LINGO2: variants seen among roughly 807,000 people sequenced by gnomAD.
LINGO2 encodes the protein leucine rich repeat and Ig domain containing 2.
LINGO2 carries 14 observed loss-of-function variants against 30.6 expected under a neutral mutation model. The observed-to-expected ratio is 0.46, with a 90% CI of 0.30 to 0.72. The LOEUF is 0.72. Among genes scored for constraint, LINGO2 ranks in the 30% least tolerant of loss-of-function variants. LINGO2 has a pLI of 0.07. For synonymous variants in LINGO2, 317 were observed against 288.5 expected (o/e 1.10, Z -1.00); for missense variants, 729 against 751.7 (o/e 0.97, Z 0.35).
At chr9:27,991,624 C>T (rs1821403187) in intron 5 of LINGO2, among the ~76,000 whole-genome samples, 1 of 152,034 alleles carries the variant, frequency 6.6e-6, no homozygotes, top group African/African-American at 2.4e-5. Flanking sequence ...CAACTTCAAA[C>T]ACATAGGAAC....
chr9:28,998,638 A>T, the LINGO2 span, among the ~76,000 whole-genome samples: 15 of 152,126 alleles, frequency 9.9e-5, no homozygotes, highest in Admixed American at 2.6e-4. Context: ...CTAGATAGGA[A>T]AGTGTACTTT....
chr9:28,430,207 T>A (rs1243946244), intron 2 of LINGO2, among the ~76,000 whole-genome samples: 1 of 152,146 alleles, frequency 6.6e-6, no homozygotes, highest in Non-Finnish European at 1.5e-5. Flanking sequence ...GAGCATAGTG[T>A]AGAAGAAGAT....
chr9:28,165,743 CCTTCTCAATTTA>C (rs1828410183), intron 4 of LINGO2, among the ~76,000 whole-genome samples: 1 of 152,110 alleles, frequency 6.6e-6, no homozygotes, highest in Non-Finnish European at 1.5e-5. Context: ...AGTTAGTTTC[CCTTCTCAATTTA>C]CCAAATCTTA....
chr9:28,235,926 A>G (rs1010608528), intron 4 of LINGO2, among the ~76,000 whole-genome samples: 1 of 152,168 alleles, frequency 6.6e-6, no homozygotes, highest in East Asian at 1.9e-4. Context: ...AAGAGATAAT[A>G]TCAGAGGACT....
chr9:28,332,042 C>G (rs1382435623), intron 3 of LINGO2, among the ~76,000 whole-genome samples: 3 of 152,016 alleles, frequency 2.0e-5, no homozygotes. Context: ...ACCTAAATGC[C>G]AAATAAACTT....
the LINGO2 span, among the ~76,000 whole-genome samples, chr9:28,681,471 T>C: frequency 6.6e-6 from 1 of 152,026 alleles, no homozygotes; most frequent in Admixed American, 6.6e-5. Flanking sequence ...ACTGTGGCTT[T>C]AGATCTTTTA....
At chr9:28,136,840 G>C (rs557361095) in intron 4 of LINGO2, among the ~76,000 whole-genome samples, 2 of 152,218 alleles carry the variant, frequency 1.3e-5, no homozygotes, top group African/African-American at 4.8e-5. Context: ...ATTTGAACTG[G>C]TAAAGTGAGT....
At chr9:28,004,273 A>C (rs1822143551) in intron 5 of LINGO2, among the ~76,000 whole-genome samples, 1 of 152,164 alleles carries the variant, frequency 6.6e-6, no homozygotes, top group South Asian at 2.1e-4. Flanking sequence ...ATACCAGGCA[A>C]GATAAATTAT....
intron 2 of LINGO2, among the ~76,000 whole-genome samples, chr9:28,436,426 ATTTATTTATTTATTT>A (rs1564197721): frequency 2.0e-3 from 5 of 2,484 alleles, no homozygotes; most frequent in African/African-American, 3.2e-3. Context: ...AAGAGAATTT[ATTTATTTATTTATTT>A]ATTTATTTAT....
intron 5 of LINGO2, among the ~76,000 whole-genome samples, chr9:27,979,433 C>T (rs1820752691): frequency 6.6e-6 from 1 of 151,972 alleles, no homozygotes; most frequent in South Asian, 2.1e-4. Flanking sequence ...GATCCAGGGG[C>T]AGTCAGTTCT....
At position 28,242,153 on chromosome 9, in the gene LINGO2, AG is replaced by A. The variant is rs1361306484; in HGVS notation, c.-87+53054del. 1.8e-4 allele frequency among the ~76,000 whole-genome samples: 28 copies of A among 152,206 alleles called. 1 individual carries two copies. The highest frequency in any genetic ancestry group is 1.8e-3 in the Admixed American group (28 of 15,280). ...CAAATTGACAAAAGTAGGCTTCAGAAGGTGGGTAATAACAAACTTCACTAAG... is the reference window on the plus strand; with the variant it reads ...CAAATTGACAAAAGTAGGCTTCAGAAGTGGGTAATAACAAACTTCACTAAG... On this transcript the variant is annotated intron_variant, in intron 4 of 5. Coordinates refer to ENST00000379992, the Ensembl canonical transcript of LINGO2.
In LINGO2 at chr9:28,174,898, C is replaced by CTGTGTGTGTGTGTG. The variant is rs66472807; in HGVS notation, c.-87+120296_-87+120309dup. 4.0e-3 allele frequency among the ~76,000 whole-genome samples: 564 copies of CTGTGTGTGTGTGTG among 141,070 alleles called. 2 individuals carry two copies. The highest frequency in any genetic ancestry group is 6.0e-3 in the Admixed American group (84 of 14,108). 92.5% of individuals were successfully genotyped at this position (141,070 alleles called of 152,430 possible). ...AGAGAGAGAAAGAGAATTTGTGTCT[C>CTGTGTGTGTGTGTG]TGTGTGTGTGTGTGTGTGTGTGTGA... On this transcript the variant is annotated intron_variant, in intron 4 of 5. Transcript: ENST00000379992.
intron 4 of LINGO2, among the ~76,000 whole-genome samples, chr9:28,262,875 C>T (rs1564081853): frequency 2.0e-5 from 3 of 151,914 alleles, no homozygotes; most frequent in South Asian, 2.1e-4. Flanking sequence ...AGCAACTAAG[C>T]CTTGATAAAG....
intron 3 of LINGO2, among the ~76,000 whole-genome samples, chr9:28,318,641 A>T (rs1824928870): frequency 6.6e-6 from 1 of 152,162 alleles, no homozygotes; most frequent in South Asian, 2.1e-4. Context: ...CAGAGAGATC[A>T]ATTGTTGTAT....
intron 1 of LINGO2, among the ~76,000 whole-genome samples, chr9:28,636,192 A>G (rs1335290398): frequency 1.3e-5 from 2 of 152,154 alleles, no homozygotes; most frequent in African/African-American, 4.8e-5. Context: ...CATGGTGTAT[A>G]TATGCCACAT....
At chr9:28,982,038 T>C in the LINGO2 span, among the ~76,000 whole-genome samples, 4 of 152,230 alleles carry the variant, frequency 2.6e-5, no homozygotes, top group East Asian at 7.7e-4. Flanking sequence ...TAACCAGATA[T>C]ATAAGTATGA....
the LINGO2 span, among the ~76,000 whole-genome samples, chr9:29,019,966 A>T: frequency 6.6e-6 from 1 of 152,148 alleles, no homozygotes; most frequent in African/African-American, 2.4e-5. Flanking sequence ...TGGAGAAAGA[A>T]TTTGCAATTT....
chr9:27,969,730 C>A (rs1055635098), intron 5 of LINGO2, among the ~76,000 whole-genome samples: 3 of 151,942 alleles, frequency 2.0e-5, no homozygotes, highest in Non-Finnish European at 4.4e-5. Flanking sequence ...ACAAACACAA[C>A]CAAAAAAACC....
the LINGO2 span, among the ~76,000 whole-genome samples, chr9:29,110,780 TC>T: frequency 6.6e-6 from 1 of 151,370 alleles, no homozygotes; most frequent in South Asian, 2.1e-4. Context: ...AAGCTCCGCC[TC>T]CCGGGTTCAA....
Sources: gnomAD v4.1 joint callset for allele counts (sites outside exome capture counted in the v4.1 genomes callset) on GRCh38, gnomAD v4.1.1 for gene constraint, MANE v1.5 for transcripts, NCBI Gene and HGNC (gene_info 2026-07-23, HGNC 2026-07-21) for gene names.